Variants in PSMC2 observed in about 807,000 individuals in gnomAD.
The protein encoded by PSMC2 is proteasome 26S subunit, ATPase 2.
PSMC2 carries 7 observed loss-of-function variants against 53.3 expected under a neutral mutation model. The ratio of observed to expected loss-of-function variants is 0.13; its 90% CI spans 0.07 to 0.25. The LOEUF (loss-of-function observed/expected upper bound fraction) is 0.25, where lower values mean the gene tolerates loss of function less well. Among genes scored for constraint, PSMC2 ranks in the 10% least tolerant of loss-of-function variants. The pLI is 1.00. For missense variants in PSMC2, 241 were observed against 544.0 expected, an observed-to-expected ratio of 0.44 and a Z score of 5.54; for synonymous variants, 169 against 183.9, an observed-to-expected ratio of 0.92 and a Z score of 0.66.
intron 1 of PSMC2, chr7:103,353,059 C>T: frequency 1.3e-6 from 1 of 757,612 alleles, no homozygotes; most frequent in South Asian, 1.4e-5. Flanking sequence ...AGCAGCTAAG[C>T]AAATTCAGAA....
chr7:103,351,317 C>A (rs189007434), intron 1 of PSMC2, among the ~76,000 whole-genome samples: 16 of 152,222 alleles, frequency 1.1e-4, no homozygotes, highest in Admixed American at 8.5e-4. Flanking sequence ...ACACATGGGG[C>A]CAAGTCCAGG....
rs201378978 is a variant in PSMC2 at position 103,353,840 on chromosome 7, G to GA, written c.71-74dup. 956 of 1,218,448 alleles carry GA rather than the reference G, an allele frequency of 7.8e-4. 7 individuals are homozygous for GA. The African/African-American group carries it at 0.014, about 17-fold the overall frequency. The allele number at this position is 1,218,448 out of a possible 1,614,324, so 75.5% of individuals were successfully genotyped here. A position where few individuals can be genotyped will look rare whatever the true frequency, so the allele number is the denominator to read the frequency against. ...CACTTAAAACAATTTGAATCGAACA[G>GA]AAAAAAAGCTCTAGTTTCTTTTTTA... On this transcript the variant is annotated intron_variant, in intron 1 of 11. Coordinates refer to ENST00000292644, the MANE Select transcript of PSMC2 (RefSeq NM_002803.4).
intron 6 of PSMC2, 28 bp from the exon 7 acceptor site, chr7:103,363,316 A>G: frequency 1.3e-6 from 2 of 1,550,554 alleles, no homozygotes; most frequent in Non-Finnish European, 1.8e-6. Flanking sequence ...CTGTGACTGT[A>G]TGTTGTACAT....
At chr7:103,366,909 A>G (rs1271361051) in intron 9 of PSMC2, among the ~76,000 whole-genome samples, 1 of 152,128 alleles carries the variant, frequency 6.6e-6, no homozygotes, top group African/African-American at 2.4e-5. Flanking sequence ...GGTTCAAGCA[A>G]TTCTCATGTC....
Position 103,353,975 on chromosome 7 carries a change from T to C in PSMC2, c.108+17T>C. The C allele has an allele frequency of 6.4e-7, 1 of 1,558,136 alleles. No homozygotes were observed. Among genetic ancestry groups the C allele is most frequent in the Non-Finnish European group, 8.8e-7 (1 of 1,138,246 alleles). ...AAAACTTATGTAAGTCCTTTCAGTG[T>C]CTACAAACTATAGATGTTTTATGTT... On this transcript the variant is annotated intron_variant, in intron 2 of 11. Coordinates refer to ENST00000292644, the MANE Select transcript of PSMC2 (RefSeq NM_002803.4).
Position 103,362,022 on chromosome 7 carries a change from C to A in PSMC2, c.356C>A (p.Ala119Asp). 1 of 1,613,702 alleles carries A rather than the reference C, an allele frequency of 6.2e-7. No individual in the cohort carries two copies. The highest frequency in any genetic ancestry group is 8.5e-7 in the Non-Finnish European group (1 of 1,179,878). The change falls in exon 5 of 12, where the codon GCC becomes GAC. Residue 119 changes from alanine to aspartate, a missense_variant. Ala to Asp is a moderately radical substitution (Grantham distance 126). Transcript: ENST00000292644. ...PKYIINVKQFAKFVVDLSDQV... is the reference protein window; with the variant it reads ...PKYIINVKQFDKFVVDLSDQV... ...TACATTATCAACGTAAAGCAGTTTGCCAAGTTTGTGGTGGACCTTAGTGAT... is the reference window on the plus strand; with the variant it reads ...TACATTATCAACGTAAAGCAGTTTGACAAGTTTGTGGTGGACCTTAGTGAT...
intron 3 of PSMC2, 81 bp from the exon 4 acceptor site, chr7:103,355,613 T>C: frequency 2.0e-6 from 2 of 1,018,278 alleles, no homozygotes; most frequent in South Asian, 1.4e-5. Context: ...GTGCAAAATA[T>C]CAGTAGTGCT....
At chr7:103,348,337 T>A (rs558795545) in intron 1 of PSMC2, among the ~76,000 whole-genome samples, 1 of 152,326 alleles carries the variant, frequency 6.6e-6, no homozygotes, top group South Asian at 2.1e-4. Context: ...ATTCTATACA[T>A]ATACAAGCAA....
At chr7:103,353,001 G>C (rs1563483559) in intron 1 of PSMC2, 5 of 778,400 alleles carry the variant, frequency 6.4e-6, no homozygotes, top group South Asian at 4.0e-5. Flanking sequence ...ATTTGCAAAT[G>C]ACCATGAAAG....
intron 8 of PSMC2, 90 bp from the exon 9 acceptor site, chr7:103,365,986 T>C: frequency 2.9e-6 from 3 of 1,038,230 alleles, no homozygotes; most frequent in Non-Finnish European, 4.3e-6. Flanking sequence ...CTGTTAGGAA[T>C]AAATATTGAA....
At chr7:103,364,363 T>G (rs748982263) in intron 8 of PSMC2, 56 bp downstream of exon 8, 55 of 1,586,642 alleles carry the variant, frequency 3.5e-5, no homozygotes, top group Non-Finnish European at 4.6e-5. Flanking sequence ...ACAGTATGAA[T>G]GAAATTAAAA....
intron 4 of PSMC2, among the ~76,000 whole-genome samples, chr7:103,357,887 C>T (rs1266265222): frequency 6.6e-6 from 1 of 152,118 alleles, no homozygotes; most frequent in African/African-American, 2.4e-5. Context: ...TCAGTTATAC[C>T]TTAGTTGCAT....
At chr7:103,360,089 A>C (rs1820292727) in intron 4 of PSMC2, among the ~76,000 whole-genome samples, 1 of 152,092 alleles carries the variant, frequency 6.6e-6, no homozygotes, top group Admixed American at 6.5e-5. Flanking sequence ...AAAAAAAAAA[A>C]AAAAGTTTTG....
At chr7:103,363,485 CTTTT>C in intron 7 of PSMC2, 46 bp downstream of exon 7, 1 of 1,520,986 alleles carries the variant, frequency 6.6e-7, no homozygotes, top group Non-Finnish European at 9.1e-7. Flanking sequence ...ATAAAGATGT[CTTTT>C]GTGTATTGAG....
At position 103,353,974 on chromosome 7, in the gene PSMC2, G is replaced by T. The variant is rs1563484491; in HGVS notation, c.108+16G>T. 6.4e-7 allele frequency: 1 copy of T among 1,564,038 alleles called. No homozygotes were observed. The highest frequency in any genetic ancestry group is 1.1e-5 in the South Asian group (1 of 87,066). ...GAAAACTTATGTAAGTCCTTTCAGT[G>T]TCTACAAACTATAGATGTTTTATGT... On this transcript the variant is annotated intron_variant, in intron 2 of 11. Transcript: ENST00000292644.
Position 103,367,607 on chromosome 7 carries a change from G to A in PSMC2, c.1039G>A (p.Asp347Asn), listed in dbSNP as rs374218623. 2.2e-5 allele frequency: 36 copies of A among 1,613,790 alleles called. No individual in the cohort carries two copies. The highest frequency in any genetic ancestry group is 2.8e-5 in the Non-Finnish European group (33 of 1,179,926). ...TAGAAAAATTGAATTTAGCTTGCCC[G>A]ATCTAGAGGTAAGAAAACCATTTCA... ...LDRKIEFSLP[D>N]LEGRTHIFKI... The change falls in exon 10 of 12, where the codon GAT becomes AAT. Residue 347 changes from aspartate (D) to asparagine (N), a missense_variant. By Grantham distance (23) the Asp-to-Asn change is conservative. Transcript: ENST00000292644. This position sits in a 1 kb window ranked among gnomAD's most constrained non-coding sequence, Gnocchi z 6.1.
In PSMC2 at chr7:103,367,574, A is replaced by C; in HGVS notation, c.1006A>C (p.Arg336=). The C allele has an allele frequency of 6.2e-7, 1 of 1,614,174 alleles. No homozygotes were observed. Among genetic ancestry groups the C allele is most frequent in the Non-Finnish European group, 8.5e-7 (1 of 1,180,022 alleles). ...GGATCCAGCACTGATGAGGCCAGGG[A>C]GATTGGATAGAAAAATTGAATTTAG... The part of the protein sequence containing the change: ...TLDPALMRPG[R]LDRKIEFSLP... The change falls in exon 10 of 12, where the codon AGA becomes CGA. Residue 336 remains arginine (R), a synonymous_variant. Transcript: ENST00000292644. The surrounding 1 kb of genome is among the most constrained non-coding windows in gnomAD (Gnocchi z 6.1).
chr7:103,368,289 G>C lies in PSMC2; in HGVS notation c.*235G>C. ...GTTTAAGGATTTCACATCATACAAA[G>C]CGCTTGCTTAGATGGCTTCTATCCT... On this transcript the variant is annotated 3_prime_UTR_variant, in exon 12 of 12. Coordinates refer to ENST00000292644, the MANE Select transcript of PSMC2 (RefSeq NM_002803.4). The C allele has an allele frequency of 2.4e-6, 1 of 412,798 alleles. No individual in the cohort carries two copies. The highest frequency in any genetic ancestry group is 4.4e-5 in the South Asian group (1 of 22,652). The allele number at this position is 412,798 out of a possible 1,614,324, so 25.6% of individuals were successfully genotyped here.
At chr7:103,365,436 A>G (rs1458045897) in intron 8 of PSMC2, among the ~76,000 whole-genome samples, 1 of 152,058 alleles carries the variant, frequency 6.6e-6, no homozygotes, top group Non-Finnish European at 1.5e-5. Context: ...GTTGGAAACC[A>G]GCCTGACCAA....
Sources: gnomAD v4.1 joint callset for allele counts (sites outside exome capture counted in the v4.1 genomes callset) on GRCh38, gnomAD v4.1.1 for gene constraint, Gnocchi (gnomAD v3.1) non-coding constraint, MANE v1.5 for transcripts, NCBI Gene and HGNC (gene_info 2026-07-23, HGNC 2026-07-21) for gene names.